The following ZDHHC8 variants were observed in gnomAD, a reference collection of about 807,000 sequenced individuals.
ZDHHC8 encodes zDHHC palmitoyltransferase 8.
ZDHHC8 carries 24 observed loss-of-function variants against 61.2 expected under a neutral mutation model. The observed-to-expected ratio is 0.39, with a 90% CI of 0.28 to 0.55. The LOEUF (loss-of-function observed/expected upper bound fraction) is 0.55. Ranked by LOEUF, ZDHHC8 falls within the 20% of genes least tolerant of loss-of-function variation. The pLI is 0.60. For synonymous variants in ZDHHC8, 523 were observed against 492.5 expected (o/e 1.06, Z -0.82); for missense variants, 935 against 1,102.1 (o/e 0.85, Z 2.15).
Position 20,145,256 on chromosome 22 carries a change from A to G in ZDHHC8, c.2154A>G (p.Pro718=). 2.6e-6 allele frequency: 4 copies of G among 1,522,630 alleles called. No individual in the cohort carries two copies. The South Asian group carries it at 5.0e-5, about 19-fold the overall frequency. The allele number at this position is 1,522,630 out of a possible 1,614,324, so 94.3% of individuals were successfully genotyped here. ...QRDHPQLKTP[P]SKLNGQSPGL... is the part of the protein sequence containing the mutation. Reference sequence around the variant, plus strand: ...ACCACCCTCAGCTGAAGACTCCCCCAAGTAAGCTTAATGGGCAGTCCCCGG... The same window carrying G: ...ACCACCCTCAGCTGAAGACTCCCCCGAGTAAGCTTAATGGGCAGTCCCCGG... The change falls in exon 11 of 11, where the codon CCA becomes CCG. Residue 718 remains proline (P), a synonymous_variant. Coordinates refer to ENST00000334554, the MANE Select transcript of ZDHHC8 (RefSeq NM_013373.4).
intron 5 of ZDHHC8, 74 bp downstream of exon 5, chr22:20,140,291 C>A: frequency 1.4e-6 from 2 of 1,413,218 alleles, no homozygotes; most frequent in Non-Finnish European, 1.9e-6. Flanking sequence ...AGGGTGGGGG[C>A]TGGGGCACCC....
intron 1 of ZDHHC8, among the ~76,000 whole-genome samples, chr22:20,136,210 A>G (rs2050418748): frequency 6.6e-6 from 1 of 152,118 alleles, no homozygotes; most frequent in Non-Finnish European, 1.5e-5. Context: ...CCAGGCCCAG[A>G]GCCTGTCTTT....
In ZDHHC8 at chr22:20,146,450, G is replaced by C. The variant is rs370825239; in HGVS notation, c.*1050G>C. 4.1e-6 allele frequency: 4 copies of C among 984,984 alleles called. No individual in the cohort carries two copies. The African/African-American group carries it at 7.0e-5, about 17-fold the overall frequency. The allele number at this position is 984,984 out of a possible 1,614,324, so 61.0% of individuals were successfully genotyped here. A position where few individuals can be genotyped will look rare whatever the true frequency, so the allele number is the denominator to read the frequency against. ...ATAATTTTATTAAAAAAAAGAAAAA[G>C]AGTTATTTTGATTCTTTCCTTGGGC... On this transcript the variant is annotated 3_prime_UTR_variant, in exon 11 of 11. Transcript: ENST00000334554.
At position 20,139,191 on chromosome 22, in the gene ZDHHC8, C is replaced by T; in HGVS notation, c.105-3C>T. The T allele has an allele frequency of 5.0e-6, 8 of 1,612,524 alleles. No individual in the cohort carries two copies. The highest frequency in any genetic ancestry group is 6.8e-6 in the Non-Finnish European group (8 of 1,179,268). On this transcript the variant is annotated splice_region_variant and splice_polypyrimidine_tract_variant and intron_variant, in intron 1 of 10. Coordinates refer to ENST00000334554, the MANE Select transcript of ZDHHC8 (RefSeq NM_013373.4). ...CACTCTCTGCCCCCACTGTCTACTGCAGGTGCCCGTGGTTGACACGAGCTG... is the reference window on the plus strand; with the variant it reads ...CACTCTCTGCCCCCACTGTCTACTGTAGGTGCCCGTGGTTGACACGAGCTG...
At chr22:20,140,503 G>T in intron 5 of ZDHHC8, 114 bp from the exon 6 acceptor site, 1 of 1,166,300 alleles carries the variant, frequency 8.6e-7, no homozygotes. Flanking sequence ...TCCCACCTAA[G>T]CCACTTCCCG....
rs2050514185 is a variant in ZDHHC8, at chr22:20,145,526, C to CG, written c.*129dup. 3.1e-6 allele frequency: 4 copies of CG among 1,309,200 alleles called. No homozygotes were observed. The highest frequency in any genetic ancestry group is 3.9e-6 in the Non-Finnish European group (4 of 1,029,388). 81.1% of individuals were successfully genotyped at this position (1,309,200 alleles called of 1,614,324 possible). On this transcript the variant is annotated 3_prime_UTR_variant, in exon 11 of 11. Transcript: ENST00000334554. ...CCCCAGCCTGGTGTGGACCCATCGG[C>CG]GGGAGAGAGTGCCACGCCTCCACAG...
In ZDHHC8 at chr22:20,141,260, TG is replaced by T; in HGVS notation, c.942del (p.Pro315HisfsTer7). 6.2e-7 allele frequency: 1 copy of T among 1,612,624 alleles called. No homozygotes were observed. Among genetic ancestry groups the T allele is most frequent in the Non-Finnish European group, 8.5e-7 (1 of 1,179,884 alleles). ...LDRLDEKPLDLGPPLPPKIEA... is the reference protein window; with the variant it reads ...LDRLDEKPLDXGPPLPPKIEA... ...CGGCTGGATGAGAAGCCACTGGACT[TG>T]GGGCCACCACTGCCCCCCAAGATAG... is the stretch of plus-strand genomic sequence containing the variant. On this transcript the variant is annotated frameshift_variant, in exon 8 of 11. Transcript: ENST00000334554. LOFTEE classifies it high-confidence loss of function.
rs772041251 is a variant in ZDHHC8, at chr22:20,131,970, G to T, written c.23G>T (p.Arg8Leu). 2.3e-6 allele frequency: 3 copies of T among 1,315,618 alleles called. No homozygotes were observed. Among genetic ancestry groups the T allele is most frequent in the African/African-American group, 1.5e-5 (1 of 64,634 alleles). 81.5% of individuals were successfully genotyped at this position (1,315,618 alleles called of 1,614,324 possible). ...AGGATGCCCCGCAGCCCCGGGACGC[G>T]CCTCAAACCCGCCAAGTACATCCCG... MPRSPGT[R>L]LKPAKYIPVA... The change falls in exon 1 of 11, where the codon CGC becomes CTC. Residue 8 changes from arginine to leucine, a missense_variant. Physicochemically the swap from Arg to Leu is moderately radical, Grantham distance 102 (BLOSUM62 -2). This residue lies in a region of ZDHHC8 where 44 missense variants were observed against 36.6 expected (regional missense o/e 1.20). Transcript: ENST00000334554.
rs1358799775 is a variant in ZDHHC8 at position 20,147,110 on chromosome 22, C to T, written c.*1710C>T. ...CTGCACCTGTGCCACCTTGGCCGCCCGGAGGACCGCCCACCACTGCGGGCC... is the reference window on the plus strand; with the variant it reads ...CTGCACCTGTGCCACCTTGGCCGCCTGGAGGACCGCCCACCACTGCGGGCC... On this transcript the variant is annotated 3_prime_UTR_variant, in exon 11 of 11. Coordinates refer to ENST00000334554, the MANE Select transcript of ZDHHC8 (RefSeq NM_013373.4). 24 of 1,532,528 alleles carry T rather than the reference C, an allele frequency of 1.6e-5. No homozygotes were observed. The highest frequency in any genetic ancestry group is 2.3e-4 in the Middle Eastern group (1 of 4,342). 94.9% of individuals were successfully genotyped at this position (1,532,528 alleles called of 1,614,324 possible).
intron 1 of ZDHHC8, among the ~76,000 whole-genome samples, chr22:20,135,063 C>G (rs1184372499): frequency 6.6e-6 from 1 of 152,084 alleles, no homozygotes; most frequent in Non-Finnish European, 1.5e-5. Context: ...TCCTGAGTAC[C>G]TGGGATGACA....
At chr22:20,140,406 A>C in intron 5 of ZDHHC8, 189 bp downstream of exon 5, 1 of 776,842 alleles carries the variant, frequency 1.3e-6, no homozygotes. Flanking sequence ...CTGCCTGTGG[A>C]CACTGTGGCC....
At position 20,139,268 on chromosome 22, in the gene ZDHHC8, C is replaced by G. The variant is rs770653706; in HGVS notation, c.179C>G (p.Ala60Gly). 3.3e-5 allele frequency: 53 copies of G among 1,613,890 alleles called. No individual in the cohort carries two copies. The highest frequency in any genetic ancestry group is 4.4e-5 in the Non-Finnish European group (52 of 1,180,028). ...GGCATCATCTTCCTCTTTGTCCTGGCCAACTTCAGCATGGCCACTTTCATG... is the reference window on the plus strand; with the variant it reads ...GGCATCATCTTCCTCTTTGTCCTGGGCAACTTCAGCATGGCCACTTTCATG... Reference protein sequence around the residue: ...YNGIIFLFVLANFSMATFMDP... With the variant: ...YNGIIFLFVLGNFSMATFMDP... The change falls in exon 2 of 11, where the codon GCC (alanine) becomes GGC (glycine). Residue 60 changes from alanine (A) to glycine (G), a missense_variant. Around this residue, in one of 3 missense-constraint regions of ZDHHC8, gnomAD observed 199 missense variants for 334.0 expected, o/e 0.60. Transcript: ENST00000334554.
At chr22:20,132,156 TG>T (rs1311124766) in intron 1 of ZDHHC8, 105 bp downstream of exon 1, 1 of 669,678 alleles carries the variant, frequency 1.5e-6, no homozygotes, top group Non-Finnish European at 1.9e-6. Flanking sequence ...CCCCGGGCAG[TG>T]GGCGGGCGGG....
At chr22:20,144,359 C>T (rs950656751) in intron 10 of ZDHHC8, among the ~76,000 whole-genome samples, 7 of 152,178 alleles carry the variant, frequency 4.6e-5, no homozygotes, top group Admixed American at 6.5e-5. Flanking sequence ...ACTGAGAAGG[C>T]GGGGTCAGCT....
intron 1 of ZDHHC8, among the ~76,000 whole-genome samples, chr22:20,134,588 C>T (rs2050404887): frequency 1.3e-5 from 2 of 152,386 alleles, no homozygotes; most frequent in East Asian, 3.9e-4. Flanking sequence ...CCCGACTTCA[C>T]TGTTTGCTCC....
chr22:20,136,490 G>A (rs868545271), intron 1 of ZDHHC8, among the ~76,000 whole-genome samples: 1 of 152,234 alleles, frequency 6.6e-6, no homozygotes, highest in Non-Finnish European at 1.5e-5. Context: ...AGGGGCAAAG[G>A]GAAGCCCAGA....
rs556016795 is a variant in ZDHHC8 at position 20,147,006 on chromosome 22, C to T, written c.*1606C>T. 2.1e-5 allele frequency: 30 copies of T among 1,398,748 alleles called. No individual in the cohort carries two copies. The highest frequency in any genetic ancestry group is 2.5e-4 in the Middle Eastern group (1 of 3,934). 86.6% of individuals were successfully genotyped at this position (1,398,748 alleles called of 1,614,324 possible). ...CACCTTTCTGCTTCTCTCTCACGGA[C>T]GCCGCGGCCCGCAGGGGGCGGATTG... On this transcript the variant is annotated 3_prime_UTR_variant, in exon 11 of 11. Coordinates refer to ENST00000334554, the MANE Select transcript of ZDHHC8 (RefSeq NM_013373.4).
rs201354047 is a variant in ZDHHC8, at chr22:20,142,992, G to T, written c.1362G>T (p.Glu454Asp). The change falls in exon 10 of 11, where the codon GAG becomes GAT. Residue 454 changes from glutamate to aspartate, a missense_variant. By Grantham distance (45) the Glu-to-Asp change is conservative (BLOSUM62 2). Coordinates refer to ENST00000334554, the MANE Select transcript of ZDHHC8 (RefSeq NM_013373.4). ...TGGCCCTGCAGCCCCTGCGCTCTGA[G>T]GGGGGGCCCCCCACGCCCCACCGTA... ...DHVALQPLRS[E>D]GGPPTPHRSI... 4.4e-6 allele frequency: 7 copies of T among 1,603,262 alleles called. No individual in the cohort carries two copies. Among genetic ancestry groups the T allele is most frequent in the African/African-American group, 1.3e-5 (1 of 74,702 alleles).
At chr22:20,134,561 A>C (rs915524810) in intron 1 of ZDHHC8, among the ~76,000 whole-genome samples, 7 of 152,214 alleles carry the variant, frequency 4.6e-5, no homozygotes, top group Non-Finnish European at 8.8e-5. Context: ...CCCTGCCCTT[A>C]GTGCCTATAC....
Sources: gnomAD v4.1 joint callset for allele counts (sites outside exome capture counted in the v4.1 genomes callset) on GRCh38, gnomAD v4.1.1 for gene constraint, gnomAD v4.1.1 regional missense constraint, MANE v1.5 for transcripts, NCBI Gene and HGNC (gene_info 2026-07-23, HGNC 2026-07-21) for gene names.